PLCB4: variants seen among roughly 807,000 people sequenced by gnomAD.
The protein encoded by PLCB4 is 1-phosphatidylinositol 4,5-bisphosphate phosphodiesterase beta-4.
PLCB4 carries 77 observed loss-of-function variants against 178.8 expected under a neutral mutation model. The ratio of observed to expected loss-of-function variants is 0.43; its 90% CI spans 0.36 to 0.52. The LOEUF (loss-of-function observed/expected upper bound fraction) is 0.52, where lower values mean the gene tolerates loss of function less well. PLCB4 is among the 20% of genes least tolerant of loss of function. PLCB4 has a pLI of 0.00. For missense variants in PLCB4, 1,024 were observed against 1,453.4 expected (o/e 0.70, Z 4.80); for synonymous variants, 496 against 490.8 (o/e 1.01, Z -0.14).
intron 2 of PLCB4, among the ~76,000 whole-genome samples, chr20:9,119,527 A>C (rs1177630979): frequency 1.3e-5 from 2 of 151,828 alleles, no homozygotes; most frequent in African/African-American, 2.4e-5. Flanking sequence ...AGAAAAAAAA[A>C]AAAAACAAAG....
Position 9,406,488 on chromosome 20 carries a change from AC to A in PLCB4, c.1647+1142del, listed in dbSNP as rs1203930271. On this transcript the variant is annotated intron_variant, in intron 21 of 39. Transcript: ENST00000378473. ...GTGATCAGTTAAGACAAACAAATTG[AC>A]CATTTTTTTTTTTTTTTGAGATGGA... Among the ~76,000 whole-genome samples, 5 of 148,216 alleles carry A rather than the reference AC, an allele frequency of 3.4e-5. No homozygotes were observed. In the East Asian group the frequency reaches 1.0e-3, roughly 30 times the overall value.
intron 3 of PLCB4, among the ~76,000 whole-genome samples, chr20:9,223,225 G>A (rs934454250): frequency 2.5e-4 from 38 of 152,112 alleles, no homozygotes; most frequent in Non-Finnish European, 2.4e-4. Flanking sequence ...GGGCTGGAGT[G>A]TTACATATAC....
chr20:9,408,205 A>C, intron 22 of PLCB4, 147 bp downstream of exon 22: 1 of 688,386 alleles, frequency 1.5e-6, no homozygotes, highest in Admixed American at 2.5e-5. Context: ...AGACCATAGA[A>C]GCCACCTTGG....
chr20:9,088,178 C>CTTTTTTTTTT (rs10554943), intron 1 of PLCB4, among the ~76,000 whole-genome samples: 1 of 99,164 alleles, frequency 1.0e-5, no homozygotes, highest in Non-Finnish European at 2.3e-5. Flanking sequence ...CTTTTCTTTT[C>CTTTTTTTTTT]TTTTTTTTTT....
At chr20:9,428,096 G>A (rs1469390300) in intron 28 of PLCB4, among the ~76,000 whole-genome samples, 1 of 152,126 alleles carries the variant, frequency 6.6e-6, no homozygotes, top group Non-Finnish European at 1.5e-5. Flanking sequence ...TTTTTACAAA[G>A]ATAGTTGACT....
chr20:9,300,691 C>G (rs1308866896), intron 3 of PLCB4, among the ~76,000 whole-genome samples: 1 of 152,114 alleles, frequency 6.6e-6, no homozygotes, highest in East Asian at 1.9e-4. Context: ...TTATTCTGTA[C>G]TTTTCTCTCT....
At chr20:9,395,685 T>A (rs1247651731) in intron 19 of PLCB4, 67 bp downstream of exon 19, 7 of 1,132,386 alleles carry the variant, frequency 6.2e-6, no homozygotes, top group Non-Finnish European at 9.0e-6. Flanking sequence ...AAAACCAGGC[T>A]GGGCACAGTG....
chr20:9,082,030 AT>A (rs2090175094), intron 1 of PLCB4, among the ~76,000 whole-genome samples: 2 of 151,038 alleles, frequency 1.3e-5, no homozygotes, highest in South Asian at 4.2e-4. Context: ...ACATACTCAT[AT>A]TGTTTTTCCT....
Position 9,385,991 on chromosome 20 carries a change from G to A in PLCB4, c.1065-1472G>A, listed in dbSNP as rs139650635. ...CTGAGCATTGAGTGAGCGAGACTCC[G>A]TCTGCAATCCCAGCACCCCGGGAGG... On this transcript the variant is annotated intron_variant, in intron 14 of 39. Coordinates refer to ENST00000378473, the MANE Select transcript of PLCB4 (RefSeq NM_001377142.1). Among the ~76,000 whole-genome samples, 75 of 152,348 alleles carry A rather than the reference G, an allele frequency of 4.9e-4. 1 individual carries two copies. The East Asian group carries it at 0.011, about 23-fold the overall frequency.
chr20:9,120,596 ACTT>A (rs1229823671), intron 2 of PLCB4, among the ~76,000 whole-genome samples: 9 of 151,924 alleles, frequency 5.9e-5, no homozygotes, highest in Non-Finnish European at 1.2e-4. Flanking sequence ...GGTCAATACT[ACTT>A]CTCATCTGCA....
chr20:9,406,605 C>T (rs1234395351), intron 21 of PLCB4, among the ~76,000 whole-genome samples: 3 of 151,908 alleles, frequency 2.0e-5, no homozygotes, highest in African/African-American at 7.3e-5. Context: ...TCGCCATTCT[C>T]CTGCCTCAGC....
At chr20:9,124,473 C>A (rs979577981) in intron 2 of PLCB4, among the ~76,000 whole-genome samples, 2 of 151,994 alleles carry the variant, frequency 1.3e-5, no homozygotes, top group African/African-American at 4.8e-5. Flanking sequence ...TTCCAGCCTG[C>A]GTGACAGAAT....
rs377413318 is a variant in PLCB4 at position 9,384,373 on chromosome 20, G to A, written c.1026G>A (p.Ser342=). 229 of 1,614,028 alleles carry A rather than the reference G, an allele frequency of 1.4e-4. No homozygotes were observed. The highest frequency in any genetic ancestry group is 1.9e-4 in the Non-Finnish European group (221 of 1,180,030). ...GCAGACAGTTCGGCGGGAAGTCTTC[G>A]GTAGAAATGTACAGACAGGTTCTCC... ...LTGRQFGGKS[S]VEMYRQVLLA... Residue 342 remains serine (S), a synonymous_variant, in exon 14 of 40, where the codon TCG becomes TCA. Transcript: ENST00000378473.
At chr20:9,471,046 T>A (rs773203278) in intron 36 of PLCB4, among the ~76,000 whole-genome samples, 3 of 152,206 alleles carry the variant, frequency 2.0e-5, no homozygotes, top group Non-Finnish European at 2.9e-5. Flanking sequence ...CTGAAAATCA[T>A]ACTTACATTT....
At chr20:9,314,073 G>A (rs1056348722) in intron 4 of PLCB4, among the ~76,000 whole-genome samples, 4 of 152,204 alleles carry the variant, frequency 2.6e-5, no homozygotes, top group African/African-American at 9.6e-5. Flanking sequence ...GCAAGGGCAT[G>A]AGTATGACAG....
chr20:9,173,412 C>T (rs2093098585), intron 2 of PLCB4, among the ~76,000 whole-genome samples: 1 of 152,194 alleles, frequency 6.6e-6, no homozygotes, highest in Non-Finnish European at 1.5e-5. Flanking sequence ...CTCTCCAGTT[C>T]CACCCAGCAT....
intron 3 of PLCB4, among the ~76,000 whole-genome samples, chr20:9,228,276 C>G (rs1227502031): frequency 1.3e-5 from 2 of 152,132 alleles, no homozygotes; most frequent in Non-Finnish European, 2.9e-5. Flanking sequence ...AGCTGTGATA[C>G]AGGCATCAAA....
chr20:9,123,127 G>T (rs2092012665), intron 2 of PLCB4, among the ~76,000 whole-genome samples: 1 of 152,042 alleles, frequency 6.6e-6, no homozygotes, highest in East Asian at 1.9e-4. Flanking sequence ...AATATGCAAT[G>T]AATTAATTTC....
chr20:9,467,579 C>T (rs188621974), intron 35 of PLCB4, among the ~76,000 whole-genome samples: 14 of 152,292 alleles, frequency 9.2e-5, no homozygotes, highest in African/African-American at 2.9e-4. Flanking sequence ...GCTTTCTTGA[C>T]ATTTGTCAGC....
Sources: gnomAD v4.1 joint callset for allele counts (sites outside exome capture counted in the v4.1 genomes callset) on GRCh38, gnomAD v4.1.1 for gene constraint, MANE v1.5 for transcripts, NCBI Gene and HGNC (gene_info 2026-07-23, HGNC 2026-07-21) for gene names.